Variants in DHRSX observed in about 807,000 individuals in gnomAD.
DHRSX encodes the protein polyprenol dehydrogenase.
A neutral mutation model predicts 34.0 loss-of-function variants in DHRSX; 31 were observed. That is an observed-to-expected ratio of 0.91 (90% CI 0.69 to 1.23). The LOEUF (loss-of-function observed/expected upper bound fraction) is 1.23. DHRSX is among the 50% of genes most tolerant of loss of function. The pLI is 0.00. For missense variants in DHRSX, 414 were observed against 428.1 expected, an observed-to-expected ratio of 0.97 and a Z score of 0.29; for synonymous variants, 201 against 183.8, an observed-to-expected ratio of 1.09 and a Z score of -0.76.
At chrX:2,421,828 G>A (rs1212407633) in intron 2 of DHRSX, among the ~76,000 whole-genome samples, 2 of 152,196 alleles carry the variant, frequency 1.3e-5, no homozygotes, top group Non-Finnish European at 2.9e-5. Flanking sequence ...AAACGCATGA[G>A]TATATCACAG....
At chrX:2,475,218 G>A (rs1490639940) in intron 1 of DHRSX, among the ~76,000 whole-genome samples, 3 of 148,870 alleles carry the variant, frequency 2.0e-5, no homozygotes, top group Non-Finnish European at 4.5e-5. Flanking sequence ...AATGCAGCTG[G>A]CACTGAAGAC....
chrX:2,229,713 G>A (rs1235558366), intron 6 of DHRSX, among the ~76,000 whole-genome samples: 6 of 152,060 alleles, frequency 3.9e-5, no homozygotes, highest in South Asian at 4.1e-4. Context: ...TAATGGGTAC[G>A]TGTGTGTATT....
intron 5 of DHRSX, among the ~76,000 whole-genome samples, chrX:2,246,553 G>GT (rs1256274022): frequency 6.6e-6 from 1 of 151,792 alleles, no homozygotes; most frequent in Non-Finnish European, 1.5e-5. Flanking sequence ...AACCCGGGAG[G>GT]TGGAGGTTGC....
intron 3 of DHRSX, among the ~76,000 whole-genome samples, chrX:2,344,802 A>T (rs1452936173): frequency 6.7e-6 from 1 of 149,592 alleles, no homozygotes; most frequent in Non-Finnish European, 1.5e-5. Context: ...ACCATGGCAC[A>T]TGTATACCTA....
intron 1 of DHRSX, among the ~76,000 whole-genome samples, chrX:2,454,878 C>T (rs1317408695): frequency 1.3e-5 from 2 of 151,554 alleles, no homozygotes; most frequent in African/African-American, 2.4e-5. Context: ...TTTGGGAGGC[C>T]GAGGCGGGTG....
chrX:2,382,882 TCAC>T (rs1394681023), intron 3 of DHRSX, among the ~76,000 whole-genome samples: 2 of 147,298 alleles, frequency 1.4e-5, no homozygotes, highest in Non-Finnish European at 3.0e-5. Flanking sequence ...ATCATCATCA[TCAC>T]CACCATCACC....
intron 3 of DHRSX, among the ~76,000 whole-genome samples, chrX:2,397,281 AC>A (rs2043423965): frequency 6.6e-6 from 1 of 151,978 alleles, no homozygotes; most frequent in Admixed American, 6.6e-5. Context: ...ACCACAGTGC[AC>A]CCCACCAAGC....
At chrX:2,253,424 G>A (rs2016487012) in intron 5 of DHRSX, among the ~76,000 whole-genome samples, 1 of 151,460 alleles carries the variant, frequency 6.6e-6, no homozygotes, top group African/African-American at 2.4e-5. Context: ...GGACATGGCC[G>A]TGAGCCAAGA....
intron 1 of DHRSX, among the ~76,000 whole-genome samples, chrX:2,428,237 C>T (rs1043072564): frequency 1.3e-5 from 2 of 152,114 alleles, no homozygotes; most frequent in Non-Finnish European, 2.9e-5. Flanking sequence ...CAAGTGTACT[C>T]ATACCCACAA....
chrX:2,284,357 C>T (rs1371385942), intron 4 of DHRSX, among the ~76,000 whole-genome samples: 4 of 91,748 alleles, frequency 4.4e-5, no homozygotes, highest in Non-Finnish European at 9.2e-5. Context: ...TGAATTCTTT[C>T]ATTCATTCAT....
intron 3 of DHRSX, among the ~76,000 whole-genome samples, chrX:2,294,304 G>A (rs2041903816): frequency 6.6e-6 from 1 of 152,118 alleles, no homozygotes; most frequent in South Asian, 2.1e-4. Context: ...AGCACTTTAG[G>A]AGGCGAAGGC....
chrX:2,307,971 T>A (rs1003385980), intron 3 of DHRSX, among the ~76,000 whole-genome samples: 1 of 151,946 alleles, frequency 6.6e-6, no homozygotes, highest in East Asian at 1.9e-4. Flanking sequence ...CAGGGCACCA[T>A]GAGAGGGACC....
chrX:2,245,829 G>A (rs1405713552), intron 5 of DHRSX, among the ~76,000 whole-genome samples: 1 of 150,920 alleles, frequency 6.6e-6, no homozygotes, highest in East Asian at 2.0e-4. Flanking sequence ...AGGCATGGTG[G>A]CATGTGCCTG....
At position 2,266,870 on chromosome X, in the gene DHRSX, A is replaced by C. The variant is rs2041482100; in HGVS notation, c.466T>G (p.Phe156Val). The C allele has an allele frequency of 6.2e-7, 1 of 1,613,838 alleles. No individual in the cohort carries two copies. The highest frequency in any genetic ancestry group is 1.3e-5 in the African/African-American group (1 of 74,908). The change falls in exon 5 of 7, where the codon TTC becomes GTC. Residue 156 changes from phenylalanine (F) to valine (V), a missense_variant. By Grantham distance (50) the Phe-to-Val change is conservative (BLOSUM62 -1). Coordinates refer to ENST00000334651, the MANE Select transcript of DHRSX (RefSeq NM_145177.3). ...EHFGLNYLGHFLLTNLLLDTL... is the reference protein window; with the variant it reads ...EHFGLNYLGHVLLTNLLLDTL... ...TCCAAGAGAAGGTTGGTCAGCAGGA[A>C]GTGCCCTAGGTAGTTCAGGCCGAAA...
intron 3 of DHRSX, among the ~76,000 whole-genome samples, chrX:2,330,794 A>C (rs1448010203): frequency 7.0e-6 from 1 of 143,462 alleles, no homozygotes; most frequent in Non-Finnish European, 1.6e-5. Context: ...GAGAATGAGA[A>C]AGAGAGAATG....
chrX:2,435,070 G>A (rs1184571587), intron 1 of DHRSX, among the ~76,000 whole-genome samples: 2 of 133,084 alleles, frequency 1.5e-5, no homozygotes, highest in East Asian at 3.9e-4. Flanking sequence ...AGGAGAGGAG[G>A]TTGAGGTAGG....
chrX:2,491,077 T>TTG (rs1556033030), intron 1 of DHRSX, among the ~76,000 whole-genome samples: 41 of 146,856 alleles, frequency 2.8e-4, no homozygotes, highest in Non-Finnish European at 4.0e-4. Flanking sequence ...TTTTTTTTTT[T>TTG]TTTTTTTTTT....
chrX:2,465,827 G>GAAAAAAGAAA (rs1478487140), intron 1 of DHRSX, among the ~76,000 whole-genome samples: 20,519 of 133,482 alleles, frequency 0.15, 2,303 homozygotes, highest in African/African-American at 0.3. Flanking sequence ...AAAAAAAAAA[G>GAAAAAAGAAA]AGAAAAGAAA....
At chrX:2,408,615 T>G in intron 3 of DHRSX, 130 bp downstream of exon 3, 1 of 772,078 alleles carries the variant, frequency 1.3e-6, no homozygotes, top group Non-Finnish European at 2.1e-6. Context: ...AAAAGAAGAG[T>G]GCAAAAATCA....
Sources: allele counts gnomAD v4.1 joint callset (sites outside exome capture counted in the v4.1 genomes callset), GRCh38; gene constraint gnomAD v4.1.1; transcripts MANE v1.5; gene names NCBI Gene and HGNC (gene_info 2026-07-23, HGNC 2026-07-21).